Variants in FHIT observed in about 807,000 individuals in gnomAD.
FHIT encodes the protein fragile histidine triad diadenosine triphosphatase.
A neutral mutation model predicts 17.9 loss-of-function variants in FHIT; 19 were observed. That is an observed-to-expected ratio of 1.06 (90% confidence interval 0.74 to 1.56). FHIT has a LOEUF of 1.56. Ranked by LOEUF, FHIT falls within the 40% of genes most tolerant of loss-of-function variation. FHIT has a pLI of 0.00. For synonymous variants in FHIT, 81 were observed against 69.7 expected, an observed-to-expected ratio of 1.16 and a Z score of -0.81; for missense variants, 248 against 189.2, an observed-to-expected ratio of 1.31 and a Z score of -1.82.
At chr3:60,844,467 C>T (rs1031420236) in intron 3 of FHIT, among the ~76,000 whole-genome samples, 1 of 152,036 alleles carries the variant, frequency 6.6e-6, no homozygotes, top group African/African-American at 2.4e-5. Context: ...AACCTGTTTC[C>T]TAAGACTTCC....
Position 60,343,897 on chromosome 3 carries a change from T to C in FHIT, c.103+192963A>G, listed in dbSNP as rs147898931. Among the ~76,000 whole-genome samples the C allele has an allele frequency of 1.5e-3, 229 of 152,310 alleles. 5 individuals carry two copies. In the East Asian group the frequency reaches 0.019, roughly 12 times the overall value. On this transcript the variant is annotated intron_variant, in intron 5 of 9. Transcript: ENST00000492590. The stretch of plus-strand genomic sequence containing the variant: ...CATGAAGCATGCTTTTGGTGGCTCA[T>C]GTTGTAAAAATCATGTATCACTTTC...
At chr3:60,264,875 G>C (rs972043571) in intron 5 of FHIT, among the ~76,000 whole-genome samples, 2 of 151,762 alleles carry the variant, frequency 1.3e-5, no homozygotes, top group African/African-American at 2.4e-5. Context: ...ATCCCTGCAA[G>C]GAGCGTTTTC....
chr3:61,064,534 C>A (rs1367511945), intron 2 of FHIT, among the ~76,000 whole-genome samples: 1 of 152,118 alleles, frequency 6.6e-6, no homozygotes, highest in Non-Finnish European at 1.5e-5. Context: ...TCTGTTACTT[C>A]ATACTGAATA....
chr3:60,860,124 A>G lies in FHIT; in HGVS notation c.-110-38113T>C, dbSNP rs967206044. On this transcript the variant is annotated intron_variant, in intron 3 of 9. Coordinates refer to ENST00000492590, the MANE Select transcript of FHIT (RefSeq NM_002012.4). ...ATATCTGATATATGATATATAAATGATATATCTGATATATATACATATGGT... is the reference window on the plus strand; with the variant it reads ...ATATCTGATATATGATATATAAATGGTATATCTGATATATATACATATGGT... 1.6e-4 allele frequency among the ~76,000 whole-genome samples: 23 copies of G among 147,486 alleles called. 3 individuals are homozygous for G. Among genetic ancestry groups the G allele is most frequent in the Non-Finnish European group, 3.4e-4 (23 of 67,164 alleles).
At chr3:60,207,875 G>T (rs1462664462) in intron 5 of FHIT, among the ~76,000 whole-genome samples, 1 of 152,144 alleles carries the variant, frequency 6.6e-6, no homozygotes, top group East Asian at 1.9e-4. Context: ...CATCATTTCT[G>T]CAGATAAATT....
chr3:61,166,440 T>C (rs1015948840), intron 2 of FHIT, among the ~76,000 whole-genome samples: 3 of 152,200 alleles, frequency 2.0e-5, no homozygotes, highest in Admixed American at 1.3e-4. Context: ...TAGAGTAAAA[T>C]AGACCTGACA....
chr3:61,033,247 A>C (rs369908054), intron 3 of FHIT, among the ~76,000 whole-genome samples: 97 of 152,316 alleles, frequency 6.4e-4, no homozygotes, highest in African/African-American at 2.3e-3. Flanking sequence ...TTTGTTAACA[A>C]AGCTTTACTG....
chr3:60,739,586 G>C (rs1297558360), intron 4 of FHIT, among the ~76,000 whole-genome samples: 1 of 152,178 alleles, frequency 6.6e-6, no homozygotes, highest in Non-Finnish European at 1.5e-5. Flanking sequence ...TACTGGGGAG[G>C]CTGTCCTGTG....
chr3:61,178,153 T>G (rs2038214507), intron 2 of FHIT, among the ~76,000 whole-genome samples: 1 of 152,156 alleles, frequency 6.6e-6, no homozygotes, highest in South Asian at 2.1e-4. Flanking sequence ...TAAAATGGAA[T>G]GATAATAACA....
chr3:60,243,631 C>A (rs1705245311), intron 5 of FHIT, among the ~76,000 whole-genome samples: 1 of 152,082 alleles, frequency 6.6e-6, no homozygotes, highest in African/African-American at 2.4e-5. Context: ...TCTATAGACA[C>A]CAGTTCAACA....
intron 1 of FHIT, among the ~76,000 whole-genome samples, chr3:61,218,823 GTATGGCCTT>G (rs1219017890): frequency 6.6e-6 from 1 of 152,128 alleles, no homozygotes; most frequent in Non-Finnish European, 1.5e-5. Flanking sequence ...TCTATAAAAT[GTATGGCCTT>G]TATTGTTCAA....
At chr3:60,263,217 C>T (rs940897545) in intron 5 of FHIT, among the ~76,000 whole-genome samples, 1 of 151,882 alleles carries the variant, frequency 6.6e-6, no homozygotes, top group African/African-American at 2.4e-5. Context: ...CAAGGATTGG[C>T]AGCAATTAAG....
Position 60,414,240 on chromosome 3 carries a change from T to C in FHIT, c.103+122620A>G, listed in dbSNP as rs745329022. On this transcript the variant is annotated intron_variant, in intron 5 of 9. Coordinates refer to ENST00000492590, the MANE Select transcript of FHIT (RefSeq NM_002012.4). ...CCCACCAAAGTGTCTGATTCAGTAG[T>C]TCTGGAGTCAGGCAGATAACTTGCA... Among the ~76,000 whole-genome samples, 17 of 152,196 alleles carry C rather than the reference T, an allele frequency of 1.1e-4. No homozygotes were observed. In the East Asian group the frequency reaches 3.3e-3, roughly 29 times the overall value.
chr3:60,849,064 C>G (rs782633549), intron 3 of FHIT, among the ~76,000 whole-genome samples: 5 of 152,052 alleles, frequency 3.3e-5, no homozygotes, highest in Non-Finnish European at 5.9e-5. Flanking sequence ...TCCATGCAGA[C>G]TGAATATTTT....
intron 4 of FHIT, among the ~76,000 whole-genome samples, chr3:60,671,787 A>AC (rs2040511312): frequency 6.6e-6 from 1 of 151,022 alleles, no homozygotes; most frequent in Non-Finnish European, 1.5e-5. Context: ...TAAAAAAAAA[A>AC]AAAAACACAA....
intron 5 of FHIT, among the ~76,000 whole-genome samples, chr3:60,166,685 A>G (rs1701189766): frequency 6.6e-6 from 1 of 152,182 alleles, no homozygotes; most frequent in African/African-American, 2.4e-5. Context: ...TAAAAATGTC[A>G]CAGACAGATG....
At chr3:61,084,600 G>T (rs1368381342) in intron 2 of FHIT, among the ~76,000 whole-genome samples, 1 of 152,040 alleles carries the variant, frequency 6.6e-6, no homozygotes, top group African/African-American at 2.4e-5. Context: ...TACATCTTTT[G>T]TTAGATATAT....
At chr3:60,832,289 G>C (rs532439346) in intron 3 of FHIT, among the ~76,000 whole-genome samples, 1 of 152,202 alleles carries the variant, frequency 6.6e-6, no homozygotes, top group East Asian at 1.9e-4. Flanking sequence ...AGGAAACAGA[G>C]GCAAAGAGAG....
chr3:61,249,180 C>T (rs1379659306), intron 1 of FHIT, among the ~76,000 whole-genome samples: 1 of 152,190 alleles, frequency 6.6e-6, no homozygotes, highest in African/African-American at 2.4e-5. Context: ...TGCTAGCTGA[C>T]TGCTGGTGGA....
Sources: gnomAD v4.1 joint callset for allele counts (sites outside exome capture counted in the v4.1 genomes callset) on GRCh38, gnomAD v4.1.1 for gene constraint, MANE v1.5 for transcripts, NCBI Gene and HGNC (gene_info 2026-07-23, HGNC 2026-07-21) for gene names.